Variants in HAPSTR2 observed in about 807,000 individuals in gnomAD.
HAPSTR2 encodes HUWE1-associated protein modifying stress responses 2.
At chrX:140,092,387 C>T in the HAPSTR2 span, 2 of 754,242 alleles carry the variant, frequency 2.7e-6, no homozygotes, top group South Asian at 6.7e-5. Context: ...CTCAAGACAG[C>T]GGTGTCGCCA....
the HAPSTR2 span, chrX:140,092,024 G>A: frequency 1.2e-6 from 1 of 819,918 alleles, no homozygotes; most frequent in African/African-American, 2.2e-5. Flanking sequence ...CCATGGCCGT[G>A]ACCAGCCTCT....
At chrX:140,092,601 G>A in the HAPSTR2 span, 3 of 745,448 alleles carry the variant, frequency 4.0e-6, no homozygotes, top group Non-Finnish European at 4.7e-6. Flanking sequence ...TATTGCTTGA[G>A]AGTGAACTCA....
At chrX:140,091,700 G>A in the HAPSTR2 span, 12 of 731,350 alleles carry the variant, frequency 1.6e-5, no homozygotes, top group Non-Finnish European at 2.0e-5. Context: ...CGGCGGCGGC[G>A]GAGGAGGAGG....
the HAPSTR2 span, chrX:140,092,546 G>A: frequency 5.7e-5 from 43 of 751,429 alleles, no homozygotes; most frequent in African/African-American, 1.0e-3. Context: ...CAATCCAAAA[G>A]CGCAACCGAA....
chrX:140,092,045 C>T, the HAPSTR2 span: 3 of 809,781 alleles, frequency 3.7e-6, no homozygotes, highest in African/African-American at 6.6e-5. Flanking sequence ...ACAAAGAGAG[C>T]GGGGATGCCC....
the HAPSTR2 span, among the ~76,000 whole-genome samples, chrX:140,092,903 T>C: frequency 2.7e-5 from 3 of 112,058 alleles, no homozygotes; most frequent in Admixed American, 1.9e-4. Context: ...TAAATGTTCA[T>C]TGAATGAATA....
At chrX:140,092,547 C>T in the HAPSTR2 span, 1 of 751,432 alleles carries the variant, frequency 1.3e-6, no homozygotes, top group African/African-American at 2.3e-5. Flanking sequence ...AATCCAAAAG[C>T]GCAACCGAAT....
chrX:140,092,348 C>T, the HAPSTR2 span: 4 of 752,333 alleles, frequency 5.3e-6, no homozygotes, highest in African/African-American at 9.3e-5. Context: ...GTGCTATGGC[C>T]GGCATCAGCA....
At chrX:140,091,864 A>C in the HAPSTR2 span, 1 of 971,294 alleles carries the variant, frequency 1.0e-6, no homozygotes, top group African/African-American at 2.0e-5. Context: ...CTGCAGGAGG[A>C]GGCGGCTGCA....
chrX:140,092,610 C>G, the HAPSTR2 span: 12 of 728,618 alleles, frequency 1.6e-5, no homozygotes, highest in Non-Finnish European at 1.9e-5. Flanking sequence ...AGAGTGAACT[C>G]AACCGTCGAC....
chrX:140,092,504 G>C, the HAPSTR2 span: 7 of 753,946 alleles, frequency 9.3e-6, no homozygotes, highest in Non-Finnish European at 7.8e-6. Context: ...AGCGCACCTC[G>C]GCCCAATGCA....
the HAPSTR2 span, chrX:140,091,849 C>A: frequency 1.0e-6 from 1 of 981,739 alleles, no homozygotes; most frequent in Admixed American, 3.3e-5. Flanking sequence ...CAGCTGCCCC[C>A]CGAGCTGCAG....
chrX:140,092,052 G>A, the HAPSTR2 span: 21 of 808,059 alleles, frequency 2.6e-5, no homozygotes, highest in African/African-American at 3.8e-4. Flanking sequence ...GAGCGGGGAT[G>A]CCCACCAACG....
the HAPSTR2 span, chrX:140,091,744 T>G: frequency 1.1e-6 from 1 of 897,290 alleles, no homozygotes; most frequent in Non-Finnish European, 1.4e-6. Flanking sequence ...AAGAGGAGGA[T>G]GGAGGAGCAG....
chrX:140,092,629 C>T, the HAPSTR2 span: 6 of 692,051 alleles, frequency 8.7e-6, no homozygotes, highest in Non-Finnish European at 1.0e-5. Context: ...ACATGCTTGT[C>T]TAAAGGTTAC....
At chrX:140,092,560 T>C in the HAPSTR2 span, 1 of 753,187 alleles carries the variant, frequency 1.3e-6, no homozygotes, top group Non-Finnish European at 1.6e-6. Context: ...AACCGAATGG[T>C]CTAAACTGCC....
At chrX:140,091,901 G>T in the HAPSTR2 span, 1 of 924,633 alleles carries the variant, frequency 1.1e-6, no homozygotes, top group Non-Finnish European at 1.4e-6. Context: ...AGAGCGAGAA[G>T]CAGAAGCTGT....
At chrX:140,092,171 C>T in the HAPSTR2 span, 14 of 759,277 alleles carry the variant, frequency 1.8e-5, no homozygotes, top group African/African-American at 3.0e-4. Context: ...TGATTAGCTT[C>T]CTGTGTGGCA....
the HAPSTR2 span, chrX:140,091,867 C>T: frequency 1.1e-4 from 109 of 970,252 alleles, no homozygotes; most frequent in Non-Finnish European, 2.4e-5. Context: ...CAGGAGGAGG[C>T]GGCTGCAGAG....
Sources: allele counts gnomAD v4.1 joint callset (sites outside exome capture counted in the v4.1 genomes callset), GRCh38; gene constraint gnomAD v4.1.1; transcripts MANE v1.5; gene names NCBI Gene and HGNC (gene_info 2026-07-23, HGNC 2026-07-21).